HDAC6: variants seen among roughly 807,000 people sequenced by gnomAD.
HDAC6 encodes the protein histone deacetylase 6.
In HDAC6, 5 loss-of-function variants were observed where a neutral mutation model predicts 88.9. That is an observed-to-expected ratio of 0.06 (90% CI 0.03 to 0.12). The LOEUF (loss-of-function observed/expected upper bound fraction) is 0.12. HDAC6 is among the 10% of genes least tolerant of loss of function. The pLI is 1.00. For synonymous variants in HDAC6, 378 were observed against 398.0 expected (o/e 0.95, Z 0.60); for missense variants, 706 against 1,014.4 (o/e 0.70, Z 4.13).
Position 48,824,012 on chromosome X carries a change from C to A in HDAC6, c.3394C>A (p.Pro1132Thr). Residue 1132 changes from proline to threonine, a missense_variant, in exon 27 of 29, where the codon CCT (proline) becomes ACT (threonine). Pro to Thr is a conservative substitution (Grantham distance 38). This residue lies in a region of HDAC6 where 112 missense variants were observed against 95.1 expected (regional missense o/e 1.18). Coordinates refer to ENST00000334136, the MANE Select transcript of HDAC6 (RefSeq NM_006044.4). ...TGCAGCAGGCCTAGACGTGACCCAA[C>A]CTTGTGGGGACTGTGGAACAATCCA... Reference protein sequence around the residue: ...IPAAGLDVTQPCGDCGTIQEN... With the variant: ...IPAAGLDVTQTCGDCGTIQEN... 2 of 1,211,495 alleles carry A rather than the reference C, an allele frequency of 1.7e-6. No homozygotes were observed. Among genetic ancestry groups the A allele is most frequent in the Non-Finnish European group, 2.2e-6 (2 of 895,338 alleles).
intron 19 of HDAC6, 99 bp downstream of exon 19, chrX:48,816,732 T>C (rs1602263498): frequency 1.6e-6 from 1 of 614,366 alleles, no homozygotes; most frequent in African/African-American, 3.3e-5. Flanking sequence ...AAGCAGGGCC[T>C]GAGGAAAGGG....
At position 48,816,260 on chromosome X, in the gene HDAC6, C is replaced by T. The variant is rs1557027609; in HGVS notation, c.1613C>T (p.Thr538Ile). The T allele has an allele frequency of 8.3e-7, 1 of 1,209,305 alleles. No individual in the cohort carries two copies. Among genetic ancestry groups the T allele is most frequent in the East Asian group, 3.0e-5 (1 of 33,728 alleles). Residue 538 changes from threonine (T) to isoleucine (I), a missense_variant, in exon 18 of 29, where the codon ACC becomes ATC. This residue lies in a region of HDAC6 where 138 missense variants were observed against 303.5 expected (regional missense o/e 0.45). Coordinates refer to ENST00000334136, the MANE Select transcript of HDAC6 (RefSeq NM_006044.4). ...PRPATEAELL[T>I]CHSAEYVGHL... ...CCTGCCACAGAGGCTGAGCTGCTCACCTGTCACAGGTCAGACCCCGGTGCC... is the reference window on the plus strand; with the variant it reads ...CCTGCCACAGAGGCTGAGCTGCTCATCTGTCACAGGTCAGACCCCGGTGCC...
Position 48,824,803 on chromosome X carries a change from C to T in HDAC6, c.*191C>T. The T allele has an allele frequency of 1.8e-6, 2 of 1,105,026 alleles. No homozygotes were observed. Among genetic ancestry groups the T allele is most frequent in the Non-Finnish European group, 2.4e-6 (2 of 847,280 alleles). The allele number at this position is 1,105,026 out of a possible 1,213,427, so 91.1% of individuals were successfully genotyped here. On this transcript the variant is annotated 3_prime_UTR_variant, in exon 29 of 29. Transcript: ENST00000334136. ...AACTGCGACGATTAATTGTGGATCT[C>T]CCCCTGCCCATTGCCTGCTTGAGGG... is the stretch of plus-strand genomic sequence containing the variant.
intron 1 of HDAC6, 46 bp from the exon 2 acceptor site, chrX:48,802,617 G>C: frequency 1.7e-6 from 2 of 1,164,974 alleles, no homozygotes; most frequent in Non-Finnish European, 1.1e-6. Flanking sequence ...GGTCCTCAGG[G>C]CACACTAGCC....
chrX:48,811,451 C>G (rs1169695491), intron 10 of HDAC6, among the ~76,000 whole-genome samples: 2 of 112,013 alleles, frequency 1.8e-5, no homozygotes, highest in African/African-American at 3.2e-5. Flanking sequence ...CTATTTATAC[C>G]CAAGAATGAA....
intron 28 of HDAC6, 72 bp downstream of exon 28, chrX:48,824,366 A>G: frequency 8.7e-7 from 1 of 1,147,066 alleles, no homozygotes; most frequent in Non-Finnish European, 1.2e-6. Context: ...GTGATTGGGT[A>G]AAGGGAGACC....
rs782674799 is a variant in HDAC6, at chrX:48,824,178, C to T, written c.3463C>T (p.Arg1155Cys). 2.5e-6 allele frequency: 3 copies of T among 1,210,229 alleles called. No homozygotes were observed. The highest frequency in any genetic ancestry group is 4.4e-5 in the Admixed American group (2 of 45,977). The change falls in exon 28 of 29, where the codon CGT (arginine) becomes TGT (cysteine). Residue 1155 changes from arginine (R) to cysteine (C), a missense_variant. By Grantham distance (180) the Arg-to-Cys change is radical. This residue lies in a region of HDAC6 where 9 missense variants were observed against 26.3 expected (regional missense o/e 0.34). Coordinates refer to ENST00000334136, the MANE Select transcript of HDAC6 (RefSeq NM_006044.4). ...CCCCCAACCTCAGGTCTACTGTGGT[C>T]GTTACATCAATGGCCACATGCTCCA... ...CLSCYQVYCG[R>C]YINGHMLQHH...
chrX:48,816,854 C>T (rs1557027836), intron 19 of HDAC6: 51 of 396,671 alleles, frequency 1.3e-4, no homozygotes, highest in South Asian at 4.0e-4. Context: ...GTAATCCTAG[C>T]GCTTTGAGAA....
At chrX:48,804,120 C>T (rs1164762496) in intron 4 of HDAC6, among the ~76,000 whole-genome samples, 1 of 111,449 alleles carries the variant, frequency 9.0e-6, no homozygotes, top group South Asian at 3.7e-4. Flanking sequence ...CGAGATTGTG[C>T]CATTGCACCC....
intron 19 of HDAC6, 57 bp from the exon 20 acceptor site, chrX:48,817,269 A>AT: frequency 6.9e-6 from 7 of 1,020,608 alleles, no homozygotes; most frequent in South Asian, 2.8e-5. Context: ...AAAAAAAAAA[A>AT]GGAAGAAAGG....
chrX:48,804,093 C>T (rs781860471), intron 4 of HDAC6, among the ~76,000 whole-genome samples: 5 of 110,990 alleles, frequency 4.5e-5, no homozygotes, highest in South Asian at 3.7e-4. Flanking sequence ...ATCTGGGAGG[C>T]GGAGGTTGCA....
At chrX:48,821,869 T>C (rs1175688460) in intron 23 of HDAC6, among the ~76,000 whole-genome samples, 1 of 111,773 alleles carries the variant, frequency 8.9e-6, no homozygotes, top group Non-Finnish European at 1.9e-5. Context: ...ATTAATTGGC[T>C]TGCAAAAAGT....
intron 23 of HDAC6, 66 bp from the exon 24 acceptor site, chrX:48,822,554 A>C (rs2063100957): frequency 1.1e-6 from 1 of 910,616 alleles, no homozygotes; most frequent in Non-Finnish European, 1.5e-6. Context: ...GAGGCAGGAC[A>C]TGTTGTCCTC....
In HDAC6 at chrX:48,815,007, C is replaced by T. The variant is rs782074452; in HGVS notation, c.1105C>T (p.Leu369=). ...GGCAGGGTTCGCCCAGCTAACCCAC[C>T]TGCTCATGGGTCTGGCAGGAGGCAA... ...TPAGFAQLTH[L]LMGLAGGKLI... The change falls in exon 14 of 29, where the codon CTG becomes TTG. Residue 369 remains leucine (L), a synonymous_variant. Coordinates refer to ENST00000334136, the MANE Select transcript of HDAC6 (RefSeq NM_006044.4). 2 of 1,207,538 alleles carry T rather than the reference C, an allele frequency of 1.7e-6. No homozygotes were observed. The highest frequency in any genetic ancestry group is 1.1e-6 in the Non-Finnish European group (1 of 893,273).
Position 48,820,261 on chromosome X carries a change from T to C in HDAC6, c.2337+6T>C. 1 of 1,169,366 alleles carries C rather than the reference T, an allele frequency of 8.6e-7. No individual in the cohort carries two copies. Among genetic ancestry groups the C allele is most frequent in the South Asian group, 2.0e-5 (1 of 50,383 alleles). On this transcript the variant is annotated splice_donor_region_variant and intron_variant, in intron 23 of 28. Transcript: ENST00000334136. ...GCATTATCCTTATCCTAGAGGTAAC[T>C]TTCTCTTGGTCCCTCTTCCCACAGT...
chrX:48,817,486 A>G (rs1557028070), intron 20 of HDAC6, 27 bp downstream of exon 20: 3 of 1,185,871 alleles, frequency 2.5e-6, no homozygotes, highest in Non-Finnish European at 2.3e-6. Context: ...GACCCCCCAA[A>G]TCCTGATCCT....
rs782324521 is a variant in HDAC6, at chrX:48,815,510, G to A, written c.1256+20G>A. Reference sequence around the variant, plus strand: ...CCGGAGGTGAGCCCCGGTGGAGGAGGGGAAAGCGGGAGCCTCACTGCCCGC... The same window carrying A: ...CCGGAGGTGAGCCCCGGTGGAGGAGAGGAAAGCGGGAGCCTCACTGCCCGC... On this transcript the variant is annotated intron_variant, in intron 15 of 28. Transcript: ENST00000334136. 5 of 1,193,900 alleles carry A rather than the reference G, an allele frequency of 4.2e-6. No homozygotes were observed. The East Asian group carries it at 8.9e-5, about 21-fold the overall frequency.
At chrX:48,810,430 C>T (rs1449445749) in intron 10 of HDAC6, among the ~76,000 whole-genome samples, 1 of 110,796 alleles carries the variant, frequency 9.0e-6, no homozygotes, top group Non-Finnish European at 1.9e-5. Flanking sequence ...AGTAGGTAGA[C>T]ATTTTACATC....
At chrX:48,821,801 C>G (rs1290599262) in intron 23 of HDAC6, among the ~76,000 whole-genome samples, 1 of 111,971 alleles carries the variant, frequency 8.9e-6, no homozygotes, top group Admixed American at 9.5e-5. Context: ...AGCCACCGCG[C>G]CCAGCCTGTG....
Sources: gnomAD v4.1 joint callset for allele counts (sites outside exome capture counted in the v4.1 genomes callset) on GRCh38, gnomAD v4.1.1 for gene constraint, gnomAD v4.1.1 regional missense constraint, MANE v1.5 for transcripts, NCBI Gene and HGNC (gene_info 2026-07-23, HGNC 2026-07-21) for gene names.